The following SLC24A2 variants were observed in gnomAD, a reference collection of about 807,000 sequenced individuals.
SLC24A2 encodes solute carrier family 24 member 2, also known as sodium/potassium/calcium exchanger 2.
A neutral mutation model predicts 62.0 loss-of-function variants in SLC24A2; 36 were observed. The observed-to-expected ratio is 0.58, with a 90% CI of 0.44 to 0.77. SLC24A2 has a LOEUF of 0.77. Among genes scored for constraint, SLC24A2 ranks in the 30% least tolerant of loss-of-function variants. The probability of loss-of-function intolerance (pLI) is 0.00; values close to 1 mark genes in which losing one functional copy is unlikely to be tolerated. For missense variants in SLC24A2, 846 were observed against 817.9 expected, an observed-to-expected ratio of 1.03 and a Z score of -0.42; for synonymous variants, 358 against 294.0, an observed-to-expected ratio of 1.22 and a Z score of -2.23.
At chr9:20,074,607 A>AAGGAAGGGAGGG in the SLC24A2 span, among the ~76,000 whole-genome samples, 13 of 69,174 alleles carry the variant, frequency 1.9e-4, no homozygotes, top group Admixed American at 3.2e-4. Context: ...GGAAGGAAAG[A>AAGGAAGGGAGGG]AGGGAGTGAG....
the SLC24A2 span, among the ~76,000 whole-genome samples, chr9:20,281,109 T>C: frequency 6.6e-6 from 1 of 152,074 alleles, no homozygotes; most frequent in African/African-American, 2.4e-5. Flanking sequence ...TTTGTATTTT[T>C]TGTTGAGACA....
chr9:20,142,035 A>T, the SLC24A2 span, among the ~76,000 whole-genome samples: 3 of 152,156 alleles, frequency 2.0e-5, no homozygotes, highest in Admixed American at 2.0e-4. Context: ...GTGGGCCAAA[A>T]TTACACCACT....
chr9:19,822,361 A>G, the SLC24A2 span, among the ~76,000 whole-genome samples: 1 of 152,112 alleles, frequency 6.6e-6, no homozygotes, highest in Non-Finnish European at 1.5e-5. Context: ...AAAATATATA[A>G]TTGATGATAG....
At chr9:20,003,454 G>A in the SLC24A2 span, among the ~76,000 whole-genome samples, 10 of 152,102 alleles carry the variant, frequency 6.6e-5, no homozygotes, top group Non-Finnish European at 1.5e-4. Context: ...CTACATTTTG[G>A]TACAGTAGTC....
intron 2 of SLC24A2, among the ~76,000 whole-genome samples, chr9:19,748,543 C>A (rs1224800982): frequency 6.6e-6 from 1 of 152,126 alleles, no homozygotes; most frequent in Non-Finnish European, 1.5e-5. Flanking sequence ...TGAATGCCTG[C>A]ACAATCTTAG....
chr9:20,120,352 A>G, the SLC24A2 span, among the ~76,000 whole-genome samples: 1 of 152,188 alleles, frequency 6.6e-6, no homozygotes, highest in Non-Finnish European at 1.5e-5. Context: ...TGGTACATGT[A>G]CACCATGGCA....
chr9:19,897,038 C>G, the SLC24A2 span, among the ~76,000 whole-genome samples: 5 of 152,132 alleles, frequency 3.3e-5, no homozygotes, highest in African/African-American at 4.8e-5. Context: ...TGGACCTACA[C>G]TGATAGAACT....
chr9:19,718,341 G>T (rs1820923349), intron 2 of SLC24A2, among the ~76,000 whole-genome samples: 1 of 126,284 alleles, frequency 7.9e-6, no homozygotes, highest in Non-Finnish European at 1.6e-5. Flanking sequence ...CACCAAGGCT[G>T]GAGTGCAGTG....
At chr9:19,939,580 T>G in the SLC24A2 span, among the ~76,000 whole-genome samples, 1 of 152,222 alleles carries the variant, frequency 6.6e-6, no homozygotes, top group African/African-American at 2.4e-5. Flanking sequence ...TGAGTGAATG[T>G]GAAGGCCTAG....
the SLC24A2 span, among the ~76,000 whole-genome samples, chr9:19,887,217 G>T: frequency 2.5e-4 from 38 of 152,270 alleles, no homozygotes; most frequent in African/African-American, 8.9e-4. Context: ...TTTTTAAAAA[G>T]TGTTTGTTCA....
chr9:19,692,868 A>G (rs1162105036), intron 2 of SLC24A2, among the ~76,000 whole-genome samples: 1 of 152,166 alleles, frequency 6.6e-6, no homozygotes, highest in Non-Finnish European at 1.5e-5. Flanking sequence ...AACGTTTACA[A>G]TTAGCAAATT....
At chr9:19,912,573 G>A in the SLC24A2 span, among the ~76,000 whole-genome samples, 3 of 152,040 alleles carry the variant, frequency 2.0e-5, no homozygotes, top group African/African-American at 7.2e-5. Flanking sequence ...ATGCACGTGG[G>A]ACCCTCACTT....
At chr9:20,205,491 A>G in the SLC24A2 span, among the ~76,000 whole-genome samples, 1 of 151,898 alleles carries the variant, frequency 6.6e-6, no homozygotes, top group African/African-American at 2.4e-5. Context: ...TACTAAAAAT[A>G]CAAAAAAAAA....
chr9:20,256,373 C>T, the SLC24A2 span, among the ~76,000 whole-genome samples: 1 of 152,198 alleles, frequency 6.6e-6, no homozygotes, highest in South Asian at 2.1e-4. Flanking sequence ...AGCCTCTGCT[C>T]TTCTGGGAAT....
At chr9:19,891,304 G>T in the SLC24A2 span, among the ~76,000 whole-genome samples, 3 of 152,166 alleles carry the variant, frequency 2.0e-5, no homozygotes, top group Non-Finnish European at 4.4e-5. Flanking sequence ...ACCCTTCAAA[G>T]TCTTCCTATT....
chr9:20,199,902 T>C, the SLC24A2 span, among the ~76,000 whole-genome samples: 1 of 142,064 alleles, frequency 7.0e-6, no homozygotes, highest in African/African-American at 2.6e-5. Flanking sequence ...TTTTTTTTTT[T>C]TGTATTTTTA....
intron 8 of SLC24A2, among the ~76,000 whole-genome samples, chr9:19,544,358 C>T (rs1241472720): frequency 2.0e-5 from 3 of 151,020 alleles, no homozygotes; most frequent in East Asian, 3.9e-4. Context: ...TGAATACAGC[C>T]ACTGATGGGT....
intron 2 of SLC24A2, among the ~76,000 whole-genome samples, chr9:19,623,062 C>T (rs866098606): frequency 3.0e-4 from 46 of 152,266 alleles, no homozygotes; most frequent in African/African-American, 1.0e-3. Context: ...TGGAAGCGAA[C>T]GCAACTCAGA....
chr9:19,866,731 G>A, the SLC24A2 span, among the ~76,000 whole-genome samples: 3 of 144,886 alleles, frequency 2.1e-5, no homozygotes, highest in Admixed American at 2.2e-4. Flanking sequence ...CCGCCTCCCA[G>A]GTTCATGCCA....
Sources: gnomAD v4.1 joint callset for allele counts (sites outside exome capture counted in the v4.1 genomes callset) on GRCh38, gnomAD v4.1.1 for gene constraint, MANE v1.5 for transcripts, NCBI Gene and HGNC (gene_info 2026-07-23, HGNC 2026-07-21) for gene names.